Variants in FRMPD3 observed in about 807,000 individuals in gnomAD.
FRMPD3 encodes FERM and PDZ domain-containing protein 3.
A neutral mutation model predicts 97.9 loss-of-function variants in FRMPD3; 42 were observed. The ratio of observed to expected loss-of-function variants is 0.43; its 90% CI spans 0.34 to 0.55. FRMPD3 has a LOEUF of 0.55. Among genes scored for constraint, FRMPD3 ranks in the 20% least tolerant of loss-of-function variants. The pLI is 0.03. For missense variants in FRMPD3, 1,303 were observed against 1,457.7 expected (o/e 0.89, Z 1.73); for synonymous variants, 577 against 581.1 (o/e 0.99, Z 0.10).
intron 10 of FRMPD3, 47 bp from the exon 11 acceptor site, chrX:107,563,064 C>A: frequency 9.4e-7 from 1 of 1,059,746 alleles, no homozygotes; most frequent in Non-Finnish European, 1.3e-6. Context: ...GTTTGCTTTT[C>A]CTGTGCCCCT....
chrX:107,460,406 T>TG (rs2147887602), intron 1 of FRMPD3, among the ~76,000 whole-genome samples: 1 of 110,645 alleles, frequency 9.0e-6, no homozygotes, highest in African/African-American at 3.3e-5. Flanking sequence ...GATTTTTTTT[T>TG]TTTTGACAGG....
At chrX:107,563,673 T>TA (rs1922480075) in intron 11 of FRMPD3, among the ~76,000 whole-genome samples, 1 of 112,217 alleles carries the variant, frequency 8.9e-6, no homozygotes, top group Non-Finnish European at 1.9e-5. Flanking sequence ...TCCCTACCAT[T>TA]AAAAAATCTA....
At chrX:107,508,794 G>A (rs1922094885) in intron 1 of FRMPD3, among the ~76,000 whole-genome samples, 1 of 111,835 alleles carries the variant, frequency 8.9e-6, no homozygotes, top group East Asian at 2.8e-4. Flanking sequence ...GTTCTGCATG[G>A]ATTTGGGTTT....
In FRMPD3 at chrX:107,513,742, G is replaced by A. The variant is rs185110537; in HGVS notation, c.-7-12840G>A. Among the ~76,000 whole-genome samples, 66 of 112,376 alleles carry A rather than the reference G, an allele frequency of 5.9e-4. 1 individual carries two copies. Among genetic ancestry groups the A allele is most frequent in the African/African-American group, 2.0e-3 (61 of 31,000 alleles). On this transcript the variant is annotated intron_variant, in intron 1 of 14. Transcript: ENST00000683843. Reference sequence around the variant, plus strand: ...GATAATAAACTGCATGTAAAGGCCAGAGGATTCTAATCTGTATGCCTCAAA... The same window carrying A: ...GATAATAAACTGCATGTAAAGGCCAAAGGATTCTAATCTGTATGCCTCAAA...
At chrX:107,512,022 T>C (rs1355202348) in intron 1 of FRMPD3, among the ~76,000 whole-genome samples, 1 of 110,567 alleles carries the variant, frequency 9.0e-6, no homozygotes, top group Non-Finnish European at 1.9e-5. Context: ...CTACTTTCTT[T>C]TTTTTTTGAT....
chrX:107,499,201 G>A (rs184640584), intron 1 of FRMPD3, among the ~76,000 whole-genome samples: 61 of 112,131 alleles, frequency 5.4e-4, no homozygotes, highest in Admixed American at 3.4e-3. Flanking sequence ...GGCAGATGAG[G>A]TTCAGATAGG....
chrX:107,497,614 A>G (rs1293688787), intron 1 of FRMPD3, among the ~76,000 whole-genome samples: 1 of 112,147 alleles, frequency 8.9e-6, no homozygotes, highest in Non-Finnish European at 1.9e-5. Flanking sequence ...CTGGGCAAAT[A>G]TCCTGGATAT....
At chrX:107,533,897 G>A (rs1923100250) in intron 4 of FRMPD3, among the ~76,000 whole-genome samples, 1 of 112,253 alleles carries the variant, frequency 8.9e-6, no homozygotes, top group Admixed American at 9.5e-5. Context: ...AGTCCTGGAC[G>A]ATGATAGGTG....
At chrX:107,537,153 C>T (rs1923277116) in intron 4 of FRMPD3, among the ~76,000 whole-genome samples, 1 of 111,619 alleles carries the variant, frequency 9.0e-6, no homozygotes, top group African/African-American at 3.3e-5. Context: ...ACATTTCCTT[C>T]TTAGGTCTTA....
intron 13 of FRMPD3, among the ~76,000 whole-genome samples, chrX:107,578,418 T>C (rs192094163): frequency 7.9e-4 from 89 of 112,222 alleles, no homozygotes; most frequent in Non-Finnish European, 1.5e-3. Context: ...ACATGCCATG[T>C]TGCTTTTCCA....
At chrX:107,499,949 C>G (rs1007325149) in intron 1 of FRMPD3, among the ~76,000 whole-genome samples, 12 of 111,676 alleles carry the variant, frequency 1.1e-4, no homozygotes, top group African/African-American at 3.9e-4. Flanking sequence ...CACCAATACT[C>G]TGGGAGGAGC....
At chrX:107,536,866 G>T (rs1450088024) in intron 4 of FRMPD3, among the ~76,000 whole-genome samples, 1 of 111,534 alleles carries the variant, frequency 9.0e-6, no homozygotes, top group Admixed American at 9.5e-5. Context: ...TTTTGTTACT[G>T]CTGTATCCCC....
chrX:107,465,870 C>T (rs558719152), intron 1 of FRMPD3, among the ~76,000 whole-genome samples: 3 of 108,023 alleles, frequency 2.8e-5, no homozygotes, highest in African/African-American at 1.0e-4. Context: ...AGCTGCTCTA[C>T]CAAAAAAAAA....
At chrX:107,493,657 T>C (rs1387790996) in intron 1 of FRMPD3, among the ~76,000 whole-genome samples, 3 of 111,964 alleles carry the variant, frequency 2.7e-5, no homozygotes, top group Non-Finnish European at 3.8e-5. Context: ...TGCGACTCAT[T>C]TGGGGGCATT....
intron 1 of FRMPD3, among the ~76,000 whole-genome samples, chrX:107,467,782 A>T (rs1931600163): frequency 9.0e-6 from 1 of 111,391 alleles, no homozygotes. Flanking sequence ...ACTCAGACAG[A>T]GACTCCCACA....
chrX:107,498,738 G>A (rs114132115), intron 1 of FRMPD3, among the ~76,000 whole-genome samples: 1,607 of 111,802 alleles, frequency 0.014, 28 homozygotes, highest in African/African-American at 0.05. Context: ...GGGGAATGAG[G>A]AGCGCATGGA....
At chrX:107,590,419 T>C (rs1923854331) in intron 13 of FRMPD3, among the ~76,000 whole-genome samples, 1 of 112,089 alleles carries the variant, frequency 8.9e-6, no homozygotes, top group Non-Finnish European at 1.9e-5. Context: ...CTTCCTGATC[T>C]AAGCTTTTAT....
intron 8 of FRMPD3, among the ~76,000 whole-genome samples, chrX:107,555,605 C>T (rs1356148217): frequency 1.8e-5 from 2 of 111,921 alleles, no homozygotes; most frequent in Non-Finnish European, 3.8e-5. Flanking sequence ...ACCTTAGATG[C>T]ACATTAAAAT....
intron 1 of FRMPD3, among the ~76,000 whole-genome samples, chrX:107,469,545 G>C (rs1204325450): frequency 8.9e-6 from 1 of 112,081 alleles, no homozygotes; most frequent in Non-Finnish European, 1.9e-5. Flanking sequence ...GAAAAGGATA[G>C]AAAGAAAGGG....
Sources: gnomAD v4.1 joint callset for allele counts (sites outside exome capture counted in the v4.1 genomes callset) on GRCh38, gnomAD v4.1.1 for gene constraint, MANE v1.5 for transcripts, NCBI Gene and HGNC (gene_info 2026-07-23, HGNC 2026-07-21) for gene names.